The following SEC14L5 variants were observed in gnomAD, a reference collection of about 807,000 sequenced individuals.
The protein encoded by SEC14L5 is SEC14-like protein 5.
SEC14L5 carries 96 observed loss-of-function variants against 84.6 expected under a neutral mutation model. The observed-to-expected ratio is 1.13, with a 90% CI of 0.96 to 1.34. SEC14L5 has a LOEUF of 1.34. Among genes scored for constraint, SEC14L5 ranks in the 40% most tolerant of loss-of-function variants. SEC14L5 has a pLI of 0.00. For synonymous variants in SEC14L5, 546 were observed against 383.4 expected, an observed-to-expected ratio of 1.42 and a Z score of -4.95; for missense variants, 1,224 against 942.5, an observed-to-expected ratio of 1.30 and a Z score of -3.91.
At chr16:5,013,250 C>T (rs1419744234) in intron 15 of SEC14L5, among the ~76,000 whole-genome samples, 1 of 152,122 alleles carries the variant, frequency 6.6e-6, no homozygotes, top group Non-Finnish European at 1.5e-5. Context: ...TGCTCAGGGA[C>T]GTAACCTAGA....
intron 13 of SEC14L5, 88 bp downstream of exon 13, chr16:5,007,574 G>C (rs964341883): frequency 9.7e-7 from 1 of 1,034,210 alleles, no homozygotes; most frequent in Non-Finnish European, 1.4e-6. Context: ...TTGAGATGAG[G>C]ATTCTTTTTT....
chr16:5,014,789 A>T, intron 15 of SEC14L5, 70 bp from the exon 16 acceptor site: 1 of 1,210,894 alleles, frequency 8.3e-7, no homozygotes, highest in Non-Finnish European at 1.2e-6. Context: ...CAGCTTTTCC[A>T]CTGCTGTGTG....
Position 5,000,999 on chromosome 16 carries a change from A to G in SEC14L5, c.1130+74A>G, listed in dbSNP as rs542664928. ...GGGTGGAGAGGGGTCCACTGTGCAT[A>G]TGTGCTGGGCTGGGCAGCGTGCCAG... On this transcript the variant is annotated intron_variant, in intron 10 of 15. Coordinates refer to ENST00000251170, the MANE Select transcript of SEC14L5 (RefSeq NM_014692.2). The G allele has an allele frequency of 3.4e-6, 4 of 1,193,698 alleles. No individual in the cohort carries two copies. The East Asian group carries it at 1.0e-4, about 30-fold the overall frequency. The allele number at this position is 1,193,698 out of a possible 1,614,324, so 73.9% of individuals were successfully genotyped here.
At chr16:5,008,289 C>T (rs1198256743) in intron 13 of SEC14L5, 132 bp from the exon 14 acceptor site, 6 of 672,018 alleles carry the variant, frequency 8.9e-6, no homozygotes, top group Non-Finnish European at 1.6e-5. Context: ...GGAGGGCACT[C>T]CTGTAAGGAA....
intron 2 of SEC14L5, among the ~76,000 whole-genome samples, chr16:4,970,216 GAAAAAC>G: frequency 6.6e-6 from 1 of 152,166 alleles, no homozygotes; most frequent in East Asian, 1.9e-4. Context: ...TCATCATGGG[GAAAAAC>G]AGGGCATTGT....
rs1482210712 is a variant in SEC14L5 at position 5,003,700 on chromosome 16, C to A, written c.1302+127C>A. 3 of 646,102 alleles carry A rather than the reference C, an allele frequency of 4.6e-6. No individual in the cohort carries two copies. The East Asian group carries it at 8.4e-5, about 18-fold the overall frequency. The allele number at this position is 646,102 out of a possible 1,614,324, so 40.0% of individuals were successfully genotyped here. A position where few individuals can be genotyped will look rare whatever the true frequency, so the allele number is the denominator to read the frequency against. On this transcript the variant is annotated intron_variant, in intron 11 of 15. Coordinates refer to ENST00000251170, the MANE Select transcript of SEC14L5 (RefSeq NM_014692.2). ...TTAGTAACTTTTTGGAGATGAAACTCACATAGCATAAAGCTCACACTTTTT... is the reference window on the plus strand; with the variant it reads ...TTAGTAACTTTTTGGAGATGAAACTAACATAGCATAAAGCTCACACTTTTT...
chr16:4,973,245 G>C (rs986538513), intron 2 of SEC14L5, among the ~76,000 whole-genome samples: 18 of 152,188 alleles, frequency 1.2e-4, no homozygotes, highest in Non-Finnish European at 2.1e-4. Flanking sequence ...TCCTGTCACT[G>C]AGTCCAGGTG....
At chr16:5,009,525 T>A (rs1313197440) in intron 14 of SEC14L5, among the ~76,000 whole-genome samples, 2 of 152,074 alleles carry the variant, frequency 1.3e-5, no homozygotes, top group African/African-American at 4.8e-5. Flanking sequence ...GGTCTTGCTA[T>A]GTTGCCCAGG....
At chr16:5,014,296 C>T (rs1955844260) in intron 15 of SEC14L5, among the ~76,000 whole-genome samples, 1 of 152,194 alleles carries the variant, frequency 6.6e-6, no homozygotes, top group South Asian at 2.1e-4. Flanking sequence ...CGCCTGTAAT[C>T]CAAGTGCTTT....
intron 2 of SEC14L5, among the ~76,000 whole-genome samples, chr16:4,964,149 T>G (rs1955164345): frequency 6.6e-6 from 1 of 152,060 alleles, no homozygotes; most frequent in African/African-American, 2.4e-5. Context: ...CCAGAAGGTG[T>G]GTGGGGTGGT....
rs1567134199 is a variant in SEC14L5, at chr16:5,018,511, TAAA to T, written c.*3545_*3547del. 6.6e-6 allele frequency: 1 copy of T among 151,778 alleles called. No homozygotes were observed. Among genetic ancestry groups the T allele is most frequent in the South Asian group, 2.1e-4 (1 of 4,812 alleles). The allele number at this position is 151,778 out of a possible 1,614,324, so 9.4% of individuals were successfully genotyped here. ...GTGAGACCCTGTCTCTACAAAAAAT[TAAA>T]AAATGAGCCAGGCGTGGTGGTGCGT... On this transcript the variant is annotated 3_prime_UTR_variant, in exon 16 of 16. Transcript: ENST00000251170.
Position 5,016,564 on chromosome 16 carries a change from T to C in SEC14L5, c.*1594T>C, listed in dbSNP as rs1955877193. On this transcript the variant is annotated 3_prime_UTR_variant, in exon 16 of 16. Transcript: ENST00000251170. ...ACATTACACATCCTCATGACCTGCG[T>C]GGCAGGAGTCTCACTGACATGGCTC... 6.6e-6 allele frequency: 1 copy of C among 152,190 alleles called. No individual in the cohort carries two copies. Among genetic ancestry groups the C allele is most frequent in the Admixed American group, 6.5e-5 (1 of 15,278 alleles). The allele number at this position is 152,190 out of a possible 1,614,324, so 9.4% of individuals were successfully genotyped here. A position where few individuals can be genotyped will look rare whatever the true frequency, so the allele number is the denominator to read the frequency against.
chr16:4,972,612 T>C (rs1440583081), intron 2 of SEC14L5, among the ~76,000 whole-genome samples: 2 of 152,240 alleles, frequency 1.3e-5, no homozygotes, highest in Non-Finnish European at 2.9e-5. Context: ...CTGGCTCGTT[T>C]CACTGGACAC....
chr16:4,989,322 GTTTTGT>G (rs1568127236), intron 4 of SEC14L5, among the ~76,000 whole-genome samples: 8 of 83,474 alleles, frequency 9.6e-5, no homozygotes, highest in Admixed American at 1.8e-4. Flanking sequence ...TTGTTTGTTT[GTTTTGT>G]TTTTTTTTTT....
rs544573819 is a variant in SEC14L5, at chr16:5,016,330, C to G, written c.*1360C>G. The G allele has an allele frequency of 6.6e-6, 1 of 152,272 alleles. No individual in the cohort carries two copies. The highest frequency in any genetic ancestry group is 2.1e-4 in the South Asian group (1 of 4,826). 9.4% of individuals were successfully genotyped at this position (152,272 alleles called of 1,614,324 possible). On this transcript the variant is annotated 3_prime_UTR_variant, in exon 16 of 16. Transcript: ENST00000251170. ...CCAGTCAGGGGTCACCAACTTGAAG[C>G]CTGATCTGGCCTGCTTTTAGTGTTG...
At chr16:4,979,652 G>C (rs565618993) in intron 2 of SEC14L5, among the ~76,000 whole-genome samples, 2 of 152,184 alleles carry the variant, frequency 1.3e-5, no homozygotes, top group African/African-American at 2.4e-5. Context: ...AGGCAAGGCA[G>C]TTCTCCCGGG....
chr16:4,965,404 G>C (rs1249061096), intron 2 of SEC14L5, among the ~76,000 whole-genome samples: 1 of 152,158 alleles, frequency 6.6e-6, no homozygotes, highest in African/African-American at 2.4e-5. Context: ...GCTCACGCCT[G>C]TAATCCCAGC....
intron 8 of SEC14L5, 130 bp from the exon 9 acceptor site, chr16:5,000,525 G>C: frequency 1.5e-6 from 1 of 672,970 alleles, no homozygotes; most frequent in South Asian, 1.8e-5. Flanking sequence ...GTTAGTAAGT[G>C]AAGGCTGGAT....
chr16:4,995,336 C>A (rs1184118538), intron 6 of SEC14L5, among the ~76,000 whole-genome samples: 2 of 152,218 alleles, frequency 1.3e-5, no homozygotes, highest in African/African-American at 4.8e-5. Flanking sequence ...CCTCTGCACA[C>A]TGGCAACATT....
Sources: allele counts gnomAD v4.1 joint callset (sites outside exome capture counted in the v4.1 genomes callset), GRCh38; gene constraint gnomAD v4.1.1; transcripts MANE v1.5; gene names NCBI Gene and HGNC (gene_info 2026-07-23, HGNC 2026-07-21).